The following USP28 variants were observed in gnomAD, a reference collection of about 807,000 sequenced individuals.
The protein encoded by USP28 is ubiquitin carboxyl-terminal hydrolase 28.
In USP28, 113 loss-of-function variants were observed where a neutral mutation model predicts 145.0. The ratio of observed to expected loss-of-function variants is 0.78; its 90% CI spans 0.67 to 0.91. USP28 has a LOEUF of 0.91. Among genes scored for constraint, USP28 ranks in the 40% least tolerant of loss-of-function variants. The pLI is 0.00. For missense variants in USP28, 1,201 were observed against 1,289.6 expected (o/e 0.93, Z 1.05); for synonymous variants, 447 against 450.9 (o/e 0.99, Z 0.11).
chr11:113,827,246 T>C, exon 11 of USP28: 1 of 1,608,128 alleles, frequency 6.2e-7, no homozygotes, highest in Non-Finnish European at 8.5e-7. Context: ...TCCATATAAA[T>C]AATCTGAGGA....
chr11:113,827,414 C>A, intron 10 of USP28, 54 bp from the exon 11 acceptor site: 3 of 1,512,914 alleles, frequency 2.0e-6, no homozygotes, highest in Non-Finnish European at 1.8e-6. Context: ...TAGGAAATTA[C>A]AATAACCAGA....
chr11:113,842,022 ACAAAGT>A (rs1945254225), intron 3 of USP28, among the ~76,000 whole-genome samples: 1 of 152,194 alleles, frequency 6.6e-6, no homozygotes, highest in South Asian at 2.1e-4. Context: ...TTCTCACTCC[ACAAAGT>A]CAAAAGTAGA....
At chr11:113,852,972 C>A (rs1471330925) in intron 2 of USP28, among the ~76,000 whole-genome samples, 2 of 152,082 alleles carry the variant, frequency 1.3e-5, no homozygotes, top group Non-Finnish European at 2.9e-5. Context: ...TGGCAATTAA[C>A]ATAGACATTC....
intron 7 of USP28, 85 bp downstream of exon 7, chr11:113,833,335 C>A: frequency 6.5e-7 from 1 of 1,530,740 alleles, no homozygotes; most frequent in South Asian, 1.3e-5. Context: ...ATGTTCACAG[C>A]TTGTTACGCA....
rs1591230155 is a variant in USP28, at chr11:113,819,135, C to CA, written c.1284-1299dup. 4.1e-5 allele frequency among the ~76,000 whole-genome samples: 6 copies of CA among 145,754 alleles called. No homozygotes were observed. In the South Asian group the frequency reaches 1.3e-3, roughly 32 times the overall value. ...TTATTCTTTTTTTTTTTTTTTGAGA[C>CA]AGAGTCTCATTTTGTCACCCAGGCT... On this transcript the variant is annotated intron_variant, in intron 12 of 24. Coordinates refer to ENST00000003302, the Ensembl canonical transcript of USP28.
At chr11:113,872,837 T>C (rs1261089950) in intron 1 of USP28, among the ~76,000 whole-genome samples, 2 of 152,260 alleles carry the variant, frequency 1.3e-5, no homozygotes, top group African/African-American at 2.4e-5. Flanking sequence ...TGTCACTATG[T>C]AACCTCTTTA....
chr11:113,835,937 G>A (rs1045407627), intron 5 of USP28, among the ~76,000 whole-genome samples: 2 of 152,066 alleles, frequency 1.3e-5, no homozygotes, highest in Admixed American at 6.5e-5. Flanking sequence ...AAAATTAGCC[G>A]GGCATGGTGG....
At chr11:113,875,501 T>G (rs1290803752) in exon 1 of USP28, 1 of 1,176,756 alleles carries the variant, frequency 8.5e-7, no homozygotes, top group East Asian at 4.1e-5. Flanking sequence ...TCCGCAGTCA[T>G]GGCCGAGGCG....
Position 113,823,481 on chromosome 11 carries a change from T to C in USP28, c.1283+124A>G, listed in dbSNP as rs183775582. 388 of 775,174 alleles carry C rather than the reference T, an allele frequency of 5.0e-4. 1 individual carries two copies. Among genetic ancestry groups the C allele is most frequent in the African/African-American group, 5.0e-3 (284 of 57,118 alleles). The allele number at this position is 775,174 out of a possible 1,614,324, so 48.0% of individuals were successfully genotyped here. A position where few individuals can be genotyped will look rare whatever the true frequency, so the allele number is the denominator to read the frequency against. ...TGCTTCACACTTAGACAAAAAATTT[T>C]CTTAGCTGTTTTATAAAATATTCTA... On this transcript the variant is annotated intron_variant, in intron 12 of 24. Coordinates refer to ENST00000003302, the Ensembl canonical transcript of USP28.
At chr11:113,818,157 G>GTTTT in intron 12 of USP28, 1 of 162,878 alleles carries the variant, frequency 6.1e-6, no homozygotes, top group Non-Finnish European at 1.3e-5. Flanking sequence ...TTATTTTTTG[G>GTTTT]TTTTTTTTTT....
At position 113,873,150 on chromosome 11, in the gene USP28, C is replaced by A. The variant is rs188061124; in HGVS notation, c.57+2295G>T. Among the ~76,000 whole-genome samples, 4 of 152,228 alleles carry A rather than the reference C, an allele frequency of 2.6e-5. No individual in the cohort carries two copies. The East Asian group carries it at 7.7e-4, about 29-fold the overall frequency. On this transcript the variant is annotated intron_variant, in intron 1 of 24. Coordinates refer to ENST00000003302, the Ensembl canonical transcript of USP28. ...CTCAGAGAGTTCAAAATAAAAGAAT[C>A]CATTCTAACATGAAACTTACCAAGA...
intron 5 of USP28, among the ~76,000 whole-genome samples, chr11:113,836,441 G>C (rs1374415416): frequency 3.3e-5 from 5 of 151,964 alleles, no homozygotes; most frequent in Non-Finnish European, 7.4e-5. Context: ...ACTCACACTT[G>C]CTCACAACTG....
chr11:113,808,588 A>G (rs2519201), intron 17 of USP28, 151 bp from the exon 18 acceptor site: 70,158 of 769,976 alleles, frequency 0.091, 4,097 homozygotes, highest in Non-Finnish European at 0.11. Flanking sequence ...CTAGAAATTA[A>G]TAACTATAAG....
At chr11:113,813,320 T>G (rs1479005039) in intron 15 of USP28, among the ~76,000 whole-genome samples, 1 of 152,192 alleles carries the variant, frequency 6.6e-6, no homozygotes, top group Admixed American at 6.5e-5. Context: ...CAGTCATTCA[T>G]ACAGAAGCCA....
At chr11:113,873,392 C>CCGAT (rs2137269334) in intron 1 of USP28, among the ~76,000 whole-genome samples, 1 of 152,348 alleles carries the variant, frequency 6.6e-6, no homozygotes, top group South Asian at 2.1e-4. Flanking sequence ...AATCGGAGTA[C>CCGAT]TCCAGCCAGC....
intron 7 of USP28, among the ~76,000 whole-genome samples, chr11:113,832,574 AAAAT>A (rs1221931585): frequency 6.6e-6 from 1 of 152,240 alleles, no homozygotes; most frequent in African/African-American, 2.4e-5. Context: ...CAAAGAAAGA[AAAAT>A]AAACAAAATC....
intron 1 of USP28, among the ~76,000 whole-genome samples, chr11:113,867,801 A>AAGAAGGAAG (rs1565514243): frequency 4.0e-5 from 3 of 75,368 alleles, no homozygotes; most frequent in African/African-American, 5.5e-5. Flanking sequence ...GAAAGAAGGA[A>AAGAAGGAAG]GGGGGGAGGG....
chr11:113,826,337 ATTTTTTTTTTTTT>A (rs71063527), intron 11 of USP28, among the ~76,000 whole-genome samples: 3 of 50,736 alleles, frequency 5.9e-5, no homozygotes, highest in African/African-American at 2.3e-4. Context: ...CACCACACCC[ATTTTTTTTTTTTT>A]TTTTTTTTTT....
chr11:113,844,158 C>A (rs543071077), intron 3 of USP28, among the ~76,000 whole-genome samples: 1 of 152,136 alleles, frequency 6.6e-6, no homozygotes, highest in East Asian at 1.9e-4. Flanking sequence ...AGTGAAGAGA[C>A]AGCCGGGCAT....
Sources: gnomAD v4.1 joint callset for allele counts (sites outside exome capture counted in the v4.1 genomes callset) on GRCh38, gnomAD v4.1.1 for gene constraint, MANE v1.5 for transcripts, NCBI Gene and HGNC (gene_info 2026-07-23, HGNC 2026-07-21) for gene names.